Variants in DCC observed in about 807,000 individuals in gnomAD.
DCC encodes the protein DCC netrin 1 receptor.
DCC carries 58 observed loss-of-function variants against 172.5 expected under a neutral mutation model. The observed-to-expected ratio is 0.34, with a 90% CI of 0.27 to 0.42. The LOEUF (loss-of-function observed/expected upper bound fraction) is 0.42. Ranked by LOEUF, DCC falls within the 10% of genes least tolerant of loss-of-function variation. The pLI is 1.00. For synonymous variants in DCC, 709 were observed against 644.5 expected (o/e 1.10, Z -1.52); for missense variants, 1,740 against 1,791.0 (o/e 0.97, Z 0.51).
At chr18:52,356,977 G>A (rs971620487) in intron 1 of DCC, among the ~76,000 whole-genome samples, 1 of 152,214 alleles carries the variant, frequency 6.6e-6, no homozygotes, top group African/African-American at 2.4e-5. Flanking sequence ...TAGAGACAGG[G>A]TTTCACCATG....
chr18:52,509,183 G>A lies in DCC; in HGVS notation c.91+168305G>A, dbSNP rs146851958. On this transcript the variant is annotated intron_variant, in intron 1 of 28. Transcript: ENST00000442544. ...ATTTGAATTGAAATGTGTTGTAAAT[G>A]TAAAAATATAGTAATACGAACAACT... Among the ~76,000 whole-genome samples, 7 of 152,262 alleles carry A rather than the reference G, an allele frequency of 4.6e-5. No homozygotes were observed. In the East Asian group the frequency reaches 9.6e-4, roughly 21 times the overall value.
chr18:53,387,905 C>T (rs1908278443), intron 16 of DCC, among the ~76,000 whole-genome samples: 1 of 152,162 alleles, frequency 6.6e-6, no homozygotes, highest in African/African-American at 2.4e-5. Context: ...ATAAAAATCG[C>T]TTTTCAATCA....
At chr18:52,457,081 T>C (rs780470711) in intron 1 of DCC, among the ~76,000 whole-genome samples, 7 of 152,214 alleles carry the variant, frequency 4.6e-5, no homozygotes, top group Non-Finnish European at 1.0e-4. Context: ...CTGGTTCTCT[T>C]TGTCACAAAA....
At chr18:52,709,548 G>A (rs1172602712) in intron 1 of DCC, among the ~76,000 whole-genome samples, 2 of 152,162 alleles carry the variant, frequency 1.3e-5, no homozygotes, top group Non-Finnish European at 2.9e-5. Context: ...ACCTGTGTGT[G>A]CTGGCCTGTG....
At chr18:53,356,372 G>A (rs920736968) in intron 15 of DCC, among the ~76,000 whole-genome samples, 1 of 151,820 alleles carries the variant, frequency 6.6e-6, no homozygotes, top group Admixed American at 6.6e-5. Flanking sequence ...TGTATTTTCT[G>A]GTTTTTATGT....
At chr18:53,233,627 A>G (rs1355130895) in intron 12 of DCC, among the ~76,000 whole-genome samples, 2 of 152,192 alleles carry the variant, frequency 1.3e-5, no homozygotes, top group African/African-American at 4.8e-5. Context: ...TTATTCTGCT[A>G]AACTATAATC....
At chr18:52,377,685 A>G (rs1012544144) in intron 1 of DCC, among the ~76,000 whole-genome samples, 1 of 150,908 alleles carries the variant, frequency 6.6e-6, no homozygotes, top group African/African-American at 2.4e-5. Context: ...AGAAAAAAAA[A>G]ACTATTAAGC....
intron 7 of DCC, among the ~76,000 whole-genome samples, chr18:53,151,019 G>C (rs902428126): frequency 6.6e-6 from 1 of 152,152 alleles, no homozygotes; most frequent in Non-Finnish European, 1.5e-5. Context: ...AGCTGAGTAG[G>C]GGGTATGACC....
intron 21 of DCC, among the ~76,000 whole-genome samples, chr18:53,426,174 T>C (rs1910926402): frequency 6.6e-6 from 1 of 150,580 alleles, no homozygotes; most frequent in Admixed American, 6.7e-5. Flanking sequence ...AATGTGGGAA[T>C]GAGAAGTACT....
Position 53,195,987 on chromosome 18 carries a change from T to C in DCC, c.1574-9229T>C, listed in dbSNP as rs568312423. 3.9e-5 allele frequency among the ~76,000 whole-genome samples: 6 copies of C among 152,312 alleles called. No homozygotes were observed. The East Asian group carries it at 9.6e-4, about 24-fold the overall frequency. ...GAGAAAGCACTGTATGCTGAACACA[T>C]AGAAATTATTATTAGACTTTAAAAT... On this transcript the variant is annotated intron_variant, in intron 9 of 28. Transcript: ENST00000442544.
intron 27 of DCC, among the ~76,000 whole-genome samples, chr18:53,500,228 C>CAGAGACAGAAGAAGGAGGAGAGGAGG (rs2144453767): frequency 6.6e-6 from 1 of 151,618 alleles, no homozygotes; most frequent in East Asian, 1.9e-4. Context: ...GAGAGAGAGG[C>CAGAGACAGAAGAAGGAGGAGAGGAGG]AGAGACAGAA....
chr18:52,595,284 C>T (rs1377199645), intron 1 of DCC, among the ~76,000 whole-genome samples: 1 of 152,136 alleles, frequency 6.6e-6, no homozygotes, highest in Non-Finnish European at 1.5e-5. Context: ...AAGGCTGACA[C>T]CTCCCATCAT....
intron 15 of DCC, among the ~76,000 whole-genome samples, 180 bp downstream of exon 15, chr18:53,340,087 C>T (rs1044866129): frequency 1.4e-4 from 21 of 145,010 alleles, no homozygotes; most frequent in African/African-American, 5.2e-4. Flanking sequence ...TACACACACA[C>T]ACAGGCACAC....
intron 23 of DCC, among the ~76,000 whole-genome samples, chr18:53,451,015 T>C (rs2045405358): frequency 6.6e-6 from 1 of 152,184 alleles, no homozygotes; most frequent in African/African-American, 2.4e-5. Context: ...TACACGAGAT[T>C]TGAGGAATGT....
At chr18:53,392,229 T>G (rs991485824) in intron 17 of DCC, among the ~76,000 whole-genome samples, 6 of 152,224 alleles carry the variant, frequency 3.9e-5, no homozygotes, top group Middle Eastern at 3.4e-3. Flanking sequence ...TGGTATCTTT[T>G]TTTTTTTTCC....
chr18:53,315,721 C>T (rs1217961802), intron 13 of DCC, among the ~76,000 whole-genome samples: 1 of 150,958 alleles, frequency 6.6e-6, no homozygotes, highest in South Asian at 2.1e-4. Flanking sequence ...CAGTGATGAG[C>T]TTTTTTTTTC....
chr18:52,920,215 G>A (rs2040101519), intron 3 of DCC, among the ~76,000 whole-genome samples: 1 of 151,664 alleles, frequency 6.6e-6, no homozygotes, highest in South Asian at 2.1e-4. Context: ...TGATAAGTTG[G>A]ACTTTATTAA....
At chr18:52,810,524 C>T (rs1190331146) in intron 2 of DCC, among the ~76,000 whole-genome samples, 1 of 152,156 alleles carries the variant, frequency 6.6e-6, no homozygotes, top group Non-Finnish European at 1.5e-5. Flanking sequence ...CATGATGAGA[C>T]AGCTTTCAGT....
intron 2 of DCC, among the ~76,000 whole-genome samples, chr18:52,887,806 A>G (rs2039590527): frequency 6.6e-6 from 1 of 152,142 alleles, no homozygotes; most frequent in Admixed American, 6.6e-5. Flanking sequence ...TTTAAATCCA[A>G]TTTTTCTCAG....
Sources: gnomAD v4.1 joint callset for allele counts (sites outside exome capture counted in the v4.1 genomes callset) on GRCh38, gnomAD v4.1.1 for gene constraint, MANE v1.5 for transcripts, NCBI Gene and HGNC (gene_info 2026-07-23, HGNC 2026-07-21) for gene names.